The following CFAP20DC variants were observed in gnomAD, a reference collection of about 807,000 sequenced individuals.
CFAP20DC encodes CFAP20 domain containing, also known as protein CFAP20DC.
Under a neutral mutation model 101.7 loss-of-function variants are expected in CFAP20DC, and 84 were observed. The observed-to-expected ratio is 0.83, with a 90% CI of 0.69 to 0.99. CFAP20DC has a LOEUF of 0.99. CFAP20DC is among the 50% of genes least tolerant of loss of function. CFAP20DC has a pLI of 0.00. For missense variants in CFAP20DC, 1,007 were observed against 970.3 expected (o/e 1.04, Z -0.50); for synonymous variants, 359 against 351.2 (o/e 1.02, Z -0.25).
downstream of CFAP20DC, among the ~76,000 whole-genome samples, chr3:58,741,291 C>T (rs1367479340): frequency 6.6e-6 from 1 of 152,100 alleles, no homozygotes; most frequent in Non-Finnish European, 1.5e-5. Context: ...TGCAGAAGCA[C>T]ATGACTTTTT....
At chr3:58,822,825 C>G (rs1221173177) in intron 14 of CFAP20DC, among the ~76,000 whole-genome samples, 1 of 152,124 alleles carries the variant, frequency 6.6e-6, no homozygotes, top group South Asian at 2.1e-4. Flanking sequence ...TCACCTTCTC[C>G]TGTTCTCCCC....
chr3:58,917,355 T>A (rs1014408478), intron 5 of CFAP20DC, among the ~76,000 whole-genome samples: 2 of 152,132 alleles, frequency 1.3e-5, no homozygotes, highest in Non-Finnish European at 2.9e-5. Flanking sequence ...TATTTTTGAT[T>A]CCCTATGCTC....
intron 6 of CFAP20DC, among the ~76,000 whole-genome samples, chr3:58,888,865 C>T (rs573981987): frequency 5.1e-4 from 77 of 152,104 alleles, no homozygotes; most frequent in Non-Finnish European, 8.4e-4. Flanking sequence ...GATATTTCTG[C>T]CTCTAGTTCC....
rs199830575 is a variant in CFAP20DC, at chr3:58,724,511, C to G, written c.198-6883G>C. On this transcript the variant is annotated intron_variant, in intron 3 of 3. Transcript: ENST00000486145. The surrounding 1 kb of genome is among the most constrained non-coding windows in gnomAD (Gnocchi z 5.6). ...AGACGTGTGGGCTCCTATTTAAGCC[C>G]GCTCCCACTAGCTACTCTCCGATAA... 1.3e-5 allele frequency among the ~76,000 whole-genome samples: 2 copies of G among 152,060 alleles called. No individual in the cohort carries two copies. The highest frequency in any genetic ancestry group is 2.9e-5 in the Non-Finnish European group (2 of 68,034).
In CFAP20DC at chr3:58,894,223, C is replaced by A. The variant is rs981799404; in HGVS notation, c.551-9514G>T. Among the ~76,000 whole-genome samples, 1 of 152,172 alleles carries A rather than the reference C, an allele frequency of 6.6e-6. No individual in the cohort carries two copies. Among genetic ancestry groups the A allele is most frequent in the Non-Finnish European group, 1.5e-5 (1 of 68,042 alleles). ...TTCAAAGCCAATTATGCCTTCCCAA[C>A]AGTCCCCCGAAGTCTTAACTCATTT... On this transcript the variant is annotated intron_variant, in intron 6 of 16. Transcript: ENST00000482387. The surrounding 1 kb of genome is among the most constrained non-coding windows in gnomAD (Gnocchi z 4.1).
Position 58,864,108 on chromosome 3 carries a change from G to A in CFAP20DC, c.1259-216C>T, listed in dbSNP as rs770488908. 1.3e-5 allele frequency among the ~76,000 whole-genome samples: 2 copies of A among 152,000 alleles called. No individual in the cohort carries two copies. The highest frequency in any genetic ancestry group is 2.4e-5 in the African/African-American group (1 of 41,378). On this transcript the variant is annotated intron_variant, in intron 11 of 16. Coordinates refer to ENST00000482387, the MANE Select transcript of CFAP20DC (RefSeq NM_001394063.1). This position sits in a 1 kb window ranked among gnomAD's most constrained non-coding sequence, Gnocchi z 4.7. The stretch of plus-strand genomic sequence containing the variant: ...TGAGTAGGTGGGATTACAGGTGCAC[G>A]CCATCATGCCCGGCTAATTTTTGTA...
At chr3:58,962,338 CAT>C (rs1435675050) in intron 4 of CFAP20DC, among the ~76,000 whole-genome samples, 3 of 152,080 alleles carry the variant, frequency 2.0e-5, no homozygotes, top group Non-Finnish European at 2.9e-5. Flanking sequence ...TTTTTTATCT[CAT>C]GTTTATTTTT....
chr3:58,916,605 C>T (rs1370180845), intron 5 of CFAP20DC, among the ~76,000 whole-genome samples: 1 of 152,094 alleles, frequency 6.6e-6, no homozygotes, highest in Non-Finnish European at 1.5e-5. Context: ...CTCAATCTTT[C>T]ATTTAATAAT....
At chr3:58,871,312 GA>G (rs1365188164) in intron 7 of CFAP20DC, among the ~76,000 whole-genome samples, 1 of 152,118 alleles carries the variant, frequency 6.6e-6, no homozygotes, top group Non-Finnish European at 1.5e-5. Flanking sequence ...GGGTCATACT[GA>G]AAAGAGCCTT....
intron 10 of CFAP20DC, among the ~76,000 whole-genome samples, chr3:58,867,416 C>A (rs1334442474): frequency 1.3e-5 from 2 of 152,024 alleles, no homozygotes; most frequent in Non-Finnish European, 2.9e-5. Flanking sequence ...GGAGAGACAG[C>A]AAATATAAAC....
intron 4 of CFAP20DC, among the ~76,000 whole-genome samples, chr3:58,968,546 C>A (rs114190118): frequency 1.3e-5 from 2 of 151,914 alleles, no homozygotes; most frequent in African/African-American, 2.4e-5. Flanking sequence ...TTTGCCCACA[C>A]TTTAATGGGG....
rs180890817 is a variant in CFAP20DC, at chr3:58,968,381, T to C, written c.279-30619A>G. 3.0e-4 allele frequency among the ~76,000 whole-genome samples: 46 copies of C among 152,304 alleles called. No homozygotes were observed. The East Asian group carries it at 8.5e-3, about 28-fold the overall frequency. Reference sequence around the variant, plus strand: ...CAACCTTGCCAGCATGTTACTTTTTTTACTTTTTAACAATAGCCATTCTGA... The same window carrying C: ...CAACCTTGCCAGCATGTTACTTTTTCTACTTTTTAACAATAGCCATTCTGA... On this transcript the variant is annotated intron_variant, in intron 4 of 16. Coordinates refer to ENST00000482387, the MANE Select transcript of CFAP20DC (RefSeq NM_001394063.1).
chr3:58,879,691 T>C lies in CFAP20DC; in HGVS notation c.715+4854A>G, dbSNP rs568349568. The stretch of plus-strand genomic sequence containing the variant: ...TAAGAAAATATCAGGTAGTGATAAA[T>C]GCTGTGCTGAAAGTAAAAACTGAGT... On this transcript the variant is annotated intron_variant, in intron 7 of 16. Transcript: ENST00000482387. 7.1e-4 allele frequency among the ~76,000 whole-genome samples: 108 copies of C among 152,242 alleles called. 1 individual carries two copies. The highest frequency in any genetic ancestry group is 2.5e-3 in the African/African-American group (104 of 41,548).
intron 5 of CFAP20DC, among the ~76,000 whole-genome samples, chr3:58,935,723 T>C (rs1386287401): frequency 6.6e-6 from 1 of 152,174 alleles, no homozygotes; most frequent in African/African-American, 2.4e-5. Context: ...TAGCCATATG[T>C]AGAAAGCTGA....
chr3:58,925,202 G>T (rs1411394683), intron 5 of CFAP20DC, among the ~76,000 whole-genome samples: 1 of 151,932 alleles, frequency 6.6e-6, no homozygotes, highest in Non-Finnish European at 1.5e-5. Flanking sequence ...TCCTATGCTG[G>T]ACATTGTGAC....
chr3:59,026,929 A>C (rs1278341436), intron 4 of CFAP20DC, among the ~76,000 whole-genome samples: 1 of 152,220 alleles, frequency 6.6e-6, no homozygotes, highest in Non-Finnish European at 1.5e-5. Flanking sequence ...TGAAAAAGGA[A>C]GCTTTGAGGT....
chr3:58,739,768 C>T (rs2067840506), downstream of CFAP20DC, among the ~76,000 whole-genome samples: 1 of 152,188 alleles, frequency 6.6e-6, no homozygotes, highest in African/African-American at 2.4e-5. Flanking sequence ...AACCAGTGAA[C>T]ATGTATAGCC....
intron 4 of CFAP20DC, chr3:59,018,025 G>C (rs935819368): frequency 6.6e-6 from 1 of 152,020 alleles, no homozygotes; most frequent in African/African-American, 2.4e-5. Context: ...GAATAATGTG[G>C]CTAAATAAAT....
At chr3:58,814,511 A>G (rs1344660678) in intron 14 of CFAP20DC, among the ~76,000 whole-genome samples, 5 of 151,248 alleles carry the variant, frequency 3.3e-5, no homozygotes, top group Non-Finnish European at 7.4e-5. Flanking sequence ...GGCCAGGGCA[A>G]TTAGGCAGGA....
Sources: allele counts gnomAD v4.1 joint callset (sites outside exome capture counted in the v4.1 genomes callset), GRCh38; gene constraint gnomAD v4.1.1; non-coding constraint Gnocchi (gnomAD v3.1); transcripts MANE v1.5; gene names NCBI Gene and HGNC (gene_info 2026-07-23, HGNC 2026-07-21).